SLC24A1: variants seen among roughly 807,000 people sequenced by gnomAD.
SLC24A1 encodes the protein solute carrier family 24 member 1, also known as sodium/potassium/calcium exchanger 1.
Under a neutral mutation model 88.1 loss-of-function variants are expected in SLC24A1, and 52 were observed. The ratio of observed to expected loss-of-function variants is 0.59; its 90% CI spans 0.47 to 0.74. The LOEUF is 0.74. SLC24A1 is among the 30% of genes least tolerant of loss of function. The pLI, the probability that SLC24A1 is intolerant of heterozygous loss-of-function variation, is 0.00. For missense variants in SLC24A1, 1,173 were observed against 1,363.3 expected (o/e 0.86, Z 2.20); for synonymous variants, 455 against 498.0 (o/e 0.91, Z 1.15).
In SLC24A1 at chr15:65,654,287, G is replaced by A; in HGVS notation, c.*208G>A. ...GGATTAAGAACCTCACCCCTGGAGGGGTGGAGTTTCTACCCCTGACTCATG... is the reference window on the plus strand; with the variant it reads ...GGATTAAGAACCTCACCCCTGGAGGAGTGGAGTTTCTACCCCTGACTCATG... On this transcript the variant is annotated 3_prime_UTR_variant, in exon 10 of 10. Coordinates refer to ENST00000261892, the MANE Select transcript of SLC24A1 (RefSeq NM_004727.3). 2 of 1,370,824 alleles carry A rather than the reference G, an allele frequency of 1.5e-6. No individual in the cohort carries two copies. The highest frequency in any genetic ancestry group is 1.9e-6 in the Non-Finnish European group (2 of 1,066,466). 84.9% of individuals were successfully genotyped at this position (1,370,824 alleles called of 1,614,324 possible). A position where few individuals can be genotyped will look rare whatever the true frequency, so the allele number is the denominator to read the frequency against.
At chr15:65,648,958 GGT>G (rs1449387822) in intron 6 of SLC24A1, among the ~76,000 whole-genome samples, 1 of 152,148 alleles carries the variant, frequency 6.6e-6, no homozygotes, top group East Asian at 1.9e-4. Context: ...TGGCTTTTAG[GGT>G]GTGTGGAGAT....
rs933542174 is a variant in SLC24A1 at position 65,624,212 on chromosome 15, C to T, written c.132C>T (p.Pro44=). ...CTACTTATCAGCACCTTAGGAGACC[C>T]CGGGGCCTTTCCTCATTGTGGGCAG... The part of the protein sequence containing the change: ...IGSTYQHLRR[P]RGLSSLWAAV... The change falls in exon 2 of 10, where the codon CCC becomes CCT. Residue 44 remains proline, a synonymous_variant. Coordinates refer to ENST00000261892, the MANE Select transcript of SLC24A1 (RefSeq NM_004727.3). 1 of 1,613,890 alleles carries T rather than the reference C, an allele frequency of 6.2e-7. No homozygotes were observed. Among genetic ancestry groups the T allele is most frequent in the Admixed American group, 1.7e-5 (1 of 60,020 alleles).
At chr15:65,659,986 C>A, downstream of SLC24A1, 1 of 271,008 alleles carries the variant, frequency 3.7e-6, no homozygotes, top group East Asian at 6.7e-5. Flanking sequence ...AACCACCAAC[C>A]ACAAATAGAA....
intron 6 of SLC24A1, 62 bp downstream of exon 6, chr15:65,645,765 A>C: frequency 9.3e-7 from 1 of 1,078,190 alleles, no homozygotes; most frequent in Non-Finnish European, 1.4e-6. Context: ...CTCTTGACCA[A>C]AAATACATCC....
In SLC24A1 at chr15:65,650,564, C is replaced by T. The variant is rs1165767038; in HGVS notation, c.2415C>T (p.Asp805=). The change falls in exon 7 of 10, where the codon GAC becomes GAT. Residue 805 remains aspartate, a synonymous_variant. Transcript: ENST00000261892. This position sits in a 1 kb window ranked among gnomAD's most constrained non-coding sequence, Gnocchi z 4.1. Reference sequence around the variant, plus strand: ...AAAATGAAGCAGAAGGAAAAGGAGACAATGAAGGTGAAGATGAGGGTGAAA... The same window carrying T: ...AAAATGAAGCAGAAGGAAAAGGAGATAATGAAGGTGAAGATGAGGGTGAAA... ...EDENEAEGKG[D]NEGEDEGEIH... 3.9e-6 allele frequency: 6 copies of T among 1,551,530 alleles called. No individual in the cohort carries two copies. The East Asian group carries it at 1.2e-4, about 32-fold the overall frequency.
intron 1 of SLC24A1, among the ~76,000 whole-genome samples, chr15:65,622,742 T>C (rs2074361570): frequency 7.0e-6 from 1 of 143,280 alleles, no homozygotes; most frequent in African/African-American, 2.7e-5. Context: ...TCAGTGCTTT[T>C]CTTTTTTTTT....
In SLC24A1 at chr15:65,654,538, C is replaced by G; in HGVS notation, c.*459C>G. 1 of 1,186,740 alleles carries G rather than the reference C, an allele frequency of 8.4e-7. No individual in the cohort carries two copies. The allele number at this position is 1,186,740 out of a possible 1,614,324, so 73.5% of individuals were successfully genotyped here. Reference sequence around the variant, plus strand: ...CCAAACACACGCTGCAATTTTGTCTCCTCCTTTTCTGTTCAAATTGTGAGG... The same window carrying G: ...CCAAACACACGCTGCAATTTTGTCTGCTCCTTTTCTGTTCAAATTGTGAGG... On this transcript the variant is annotated 3_prime_UTR_variant, in exon 10 of 10. Transcript: ENST00000261892.
intron 1 of SLC24A1, among the ~76,000 whole-genome samples, chr15:65,623,174 C>T (rs917197251): frequency 5.3e-5 from 8 of 152,160 alleles, no homozygotes; most frequent in African/African-American, 1.9e-4. Context: ...ACAGAATATA[C>T]AGTGAAAATA....
At chr15:65,644,361 C>A in intron 4 of SLC24A1, 66 bp from the exon 5 acceptor site, 2 of 1,161,884 alleles carry the variant, frequency 1.7e-6, no homozygotes, top group Non-Finnish European at 2.5e-6. Flanking sequence ...ACTGTCCTAA[C>A]TGAAAGGGCG....
intron 2 of SLC24A1, among the ~76,000 whole-genome samples, chr15:65,634,760 A>G (rs2074855283): frequency 7.0e-6 from 1 of 143,150 alleles, no homozygotes; most frequent in Non-Finnish European, 1.5e-5. Flanking sequence ...AAAAAAAAAG[A>G]AAAAGAAAAA....
chr15:65,657,801 T>A (rs144384119), downstream of SLC24A1, among the ~76,000 whole-genome samples: 766 of 152,290 alleles, frequency 5.0e-3, 3 homozygotes, highest in Middle Eastern at 0.024. Flanking sequence ...ATGAGAGGGC[T>A]CATGAGCAGA....
intron 2 of SLC24A1, among the ~76,000 whole-genome samples, chr15:65,637,585 C>T (rs2074984478): frequency 6.6e-6 from 1 of 152,180 alleles, no homozygotes; most frequent in Non-Finnish European, 1.5e-5. Flanking sequence ...AAATATTGAG[C>T]TCTTGCTAAG....
intron 2 of SLC24A1, among the ~76,000 whole-genome samples, chr15:65,635,352 C>T (rs188731850): frequency 6.9e-6 from 1 of 144,280 alleles, no homozygotes; most frequent in African/African-American, 2.5e-5. Flanking sequence ...TGGTGGTGCA[C>T]ACCTGTAGTC....
chr15:65,647,530 A>C (rs1171095531), intron 6 of SLC24A1, among the ~76,000 whole-genome samples: 1 of 151,346 alleles, frequency 6.6e-6, no homozygotes, highest in Non-Finnish European at 1.5e-5. Flanking sequence ...GAATCGGTTC[A>C]ACCCAGCTCC....
intron 2 of SLC24A1, among the ~76,000 whole-genome samples, chr15:65,614,918 C>G (rs140171600): frequency 6.6e-6 from 1 of 152,222 alleles, no homozygotes; most frequent in Non-Finnish European, 1.5e-5. Context: ...TTCTTCCATA[C>G]ACTCTTTCCT....
Position 65,656,103 on chromosome 15 carries a change from C to T in SLC24A1, c.*2024C>T. On this transcript the variant is annotated 3_prime_UTR_variant, in exon 10 of 10. Coordinates refer to ENST00000261892, the MANE Select transcript of SLC24A1 (RefSeq NM_004727.3). ...CTGGGCACTAACCTGGTGTCTGCAGCCCGTTCCCGTTAGCCTCGGGGATGT... is the reference window on the plus strand; with the variant it reads ...CTGGGCACTAACCTGGTGTCTGCAGTCCGTTCCCGTTAGCCTCGGGGATGT... 1 of 985,442 alleles carries T rather than the reference C, an allele frequency of 1.0e-6. No individual in the cohort carries two copies. The highest frequency in any genetic ancestry group is 1.2e-6 in the Non-Finnish European group (1 of 829,948). 61.0% of individuals were successfully genotyped at this position (985,442 alleles called of 1,614,324 possible).
At chr15:65,615,855 TCTC>T (rs1455841203) in intron 2 of SLC24A1, among the ~76,000 whole-genome samples, 1 of 151,266 alleles carries the variant, frequency 6.6e-6, no homozygotes, top group Non-Finnish European at 1.5e-5. Context: ...ATTAGTTATT[TCTC>T]CTAATGCTAT....
chr15:65,639,520 A>G, intron 3 of SLC24A1, 75 bp from the exon 4 acceptor site: 1 of 863,146 alleles, frequency 1.2e-6, no homozygotes, highest in Non-Finnish European at 1.9e-6. Flanking sequence ...GAAAGAGGCA[A>G]GGTTAGTGAT....
intron 5 of SLC24A1, 138 bp from the exon 6 acceptor site, chr15:65,645,474 C>A (rs1020233006): frequency 4.3e-6 from 3 of 704,836 alleles, no homozygotes; most frequent in Non-Finnish European, 7.6e-6. Flanking sequence ...CTTTTCCTAC[C>A]AACAAGAAAT....
Sources: allele counts gnomAD v4.1 joint callset (sites outside exome capture counted in the v4.1 genomes callset), GRCh38; gene constraint gnomAD v4.1.1; non-coding constraint Gnocchi (gnomAD v3.1); transcripts MANE v1.5; gene names NCBI Gene and HGNC (gene_info 2026-07-23, HGNC 2026-07-21).